SMAD9: variants seen among roughly 807,000 people sequenced by gnomAD.
SMAD9 encodes the protein SMAD family member 9.
A neutral mutation model predicts 46.1 loss-of-function variants in SMAD9; 36 were observed. That is an observed-to-expected ratio of 0.78 (90% CI 0.60 to 1.03). SMAD9 has a LOEUF of 1.03. Ranked by LOEUF, SMAD9 falls within the 50% of genes least tolerant of loss-of-function variation. The pLI, the probability that SMAD9 is intolerant of heterozygous loss-of-function variation, is 0.00. For missense variants in SMAD9, 572 were observed against 599.8 expected, an observed-to-expected ratio of 0.95 and a Z score of 0.48; for synonymous variants, 245 against 237.1, an observed-to-expected ratio of 1.03 and a Z score of -0.31.
At chr13:36,899,291 A>G (rs1270385290) in intron 1 of SMAD9, among the ~76,000 whole-genome samples, 1 of 152,206 alleles carries the variant, frequency 6.6e-6, no homozygotes, top group Non-Finnish European at 1.5e-5. Context: ...GAAGAAATAT[A>G]CCATGTTCAT....
At chr13:36,919,138 G>T (rs1257216346) in intron 1 of SMAD9, among the ~76,000 whole-genome samples, 1 of 152,160 alleles carries the variant, frequency 6.6e-6, no homozygotes, top group African/African-American at 2.4e-5. Context: ...TAGTTCTCAG[G>T]AGTACCCACT....
At chr13:36,864,283 G>C (rs1028494788) in intron 5 of SMAD9, among the ~76,000 whole-genome samples, 1 of 152,148 alleles carries the variant, frequency 6.6e-6, no homozygotes, top group African/African-American at 2.4e-5. Flanking sequence ...AGGAAACCTA[G>C]AGTAAAATCA....
At chr13:36,912,059 G>A (rs886098899) in intron 1 of SMAD9, among the ~76,000 whole-genome samples, 2 of 152,150 alleles carry the variant, frequency 1.3e-5, no homozygotes, top group Admixed American at 6.5e-5. Flanking sequence ...CAGTGGAGAT[G>A]GTGTGTCAAC....
chr13:36,870,916 A>G (rs867726535), intron 3 of SMAD9, among the ~76,000 whole-genome samples: 17 of 152,342 alleles, frequency 1.1e-4, no homozygotes, highest in African/African-American at 4.1e-4. Flanking sequence ...GGTGGATAGC[A>G]TCTACAACGT....
At chr13:36,900,029 A>G (rs1287966994) in intron 1 of SMAD9, among the ~76,000 whole-genome samples, 1 of 152,146 alleles carries the variant, frequency 6.6e-6, no homozygotes, top group Non-Finnish European at 1.5e-5. Context: ...CTGGTGGCAT[A>G]TTAGAATGAT....
chr13:36,903,088 C>A (rs1341791683), intron 1 of SMAD9, among the ~76,000 whole-genome samples: 2 of 149,542 alleles, frequency 1.3e-5, no homozygotes, highest in African/African-American at 4.9e-5. Context: ...AGACCTTGGG[C>A]TCTAGTGCCG....
At chr13:36,886,586 T>C (rs2058446865) in intron 1 of SMAD9, among the ~76,000 whole-genome samples, 1 of 152,266 alleles carries the variant, frequency 6.6e-6, no homozygotes, top group Non-Finnish European at 1.5e-5. Context: ...TGAATGCCTA[T>C]CATGTGTCAG....
intron 3 of SMAD9, among the ~76,000 whole-genome samples, chr13:36,867,817 T>C (rs997283452): frequency 1.3e-5 from 2 of 152,300 alleles, no homozygotes; most frequent in Non-Finnish European, 1.5e-5. Flanking sequence ...GCTCTATCCC[T>C]GAGATACTTC....
At chr13:36,911,067 G>A (rs1353965232) in intron 1 of SMAD9, among the ~76,000 whole-genome samples, 1 of 152,022 alleles carries the variant, frequency 6.6e-6, no homozygotes, top group Admixed American at 6.5e-5. Context: ...GTGCAGTGGC[G>A]TGATCATGGC....
At chr13:36,912,470 G>A (rs983703098) in intron 1 of SMAD9, among the ~76,000 whole-genome samples, 3 of 152,158 alleles carry the variant, frequency 2.0e-5, no homozygotes, top group Admixed American at 6.5e-5. Flanking sequence ...TATCAGGCAA[G>A]TAATAGGTGC....
rs1251195696 is a variant in SMAD9, at chr13:36,846,230, C to T, written c.*2446G>A. The T allele has an allele frequency of 6.6e-6, 1 of 151,814 alleles. No homozygotes were observed. The highest frequency in any genetic ancestry group is 2.4e-5 in the African/African-American group (1 of 41,332). The allele number at this position is 151,814 out of a possible 1,614,324, so 9.4% of individuals were successfully genotyped here. A position where few individuals can be genotyped will look rare whatever the true frequency, so the allele number is the denominator to read the frequency against. On this transcript the variant is annotated 3_prime_UTR_variant, in exon 7 of 7. Coordinates refer to ENST00000379826, the MANE Select transcript of SMAD9 (RefSeq NM_001127217.3). ...GGGCGCAGTGGCTCACGCCTGTAAT[C>T]CCAGCACTTTGGGAGGCTGAGGCGG...
At chr13:36,865,926 T>G in intron 4 of SMAD9, among the ~76,000 whole-genome samples, 168 bp from the exon 5 acceptor site, 1 of 152,178 alleles carries the variant, frequency 6.6e-6, no homozygotes, top group Non-Finnish European at 1.5e-5. Context: ...GGGAGCTGTT[T>G]GGGGCCGGCT....
intron 1 of SMAD9, among the ~76,000 whole-genome samples, chr13:36,886,986 G>A (rs1470330047): frequency 1.3e-5 from 2 of 151,376 alleles, no homozygotes; most frequent in Non-Finnish European, 2.9e-5. Context: ...GAGCTGGAAA[G>A]CAGCATATGG....
chr13:36,895,266 G>A (rs1400097913), intron 1 of SMAD9, among the ~76,000 whole-genome samples: 2 of 152,130 alleles, frequency 1.3e-5, no homozygotes, highest in East Asian at 1.9e-4. Flanking sequence ...TCTTAGACAT[G>A]ACTAAGAGGA....
chr13:36,902,216 G>C (rs1288256629), intron 1 of SMAD9, among the ~76,000 whole-genome samples: 1 of 152,016 alleles, frequency 6.6e-6, no homozygotes, highest in Non-Finnish European at 1.5e-5. Context: ...AGTTGCCCCA[G>C]CACCATTTGT....
At chr13:36,865,869 A>G (rs1158693839) in intron 4 of SMAD9, 111 bp from the exon 5 acceptor site, 6 of 878,368 alleles carry the variant, frequency 6.8e-6, no homozygotes, top group African/African-American at 3.3e-5. Flanking sequence ...GTCGGCTGCA[A>G]GACCAAGCAT....
chr13:36,891,859 TC>T (rs2058491364), intron 1 of SMAD9, among the ~76,000 whole-genome samples: 1 of 152,120 alleles, frequency 6.6e-6, no homozygotes, highest in African/African-American at 2.4e-5. Flanking sequence ...AATGCTACAG[TC>T]CCACCACACA....
rs616323 is a variant in SMAD9 at position 36,913,206 on chromosome 13, T to C, written c.-187+6910A>G. Among the ~76,000 whole-genome samples, 437 of 152,298 alleles carry C rather than the reference T, an allele frequency of 2.9e-3. 2 individuals are homozygous for C. Among genetic ancestry groups the C allele is most frequent in the African/African-American group, 0.01 (418 of 41,568 alleles). On this transcript the variant is annotated intron_variant, in intron 1 of 6. Coordinates refer to ENST00000379826, the MANE Select transcript of SMAD9 (RefSeq NM_001127217.3). ...AATAGAGAAATAAACCCAAATAGAT[T>C]ACAGTTTGGGGAAGTAAGACATCTT... is the stretch of plus-strand genomic sequence containing the variant.
chr13:36,911,951 G>A (rs1193569101), intron 1 of SMAD9, among the ~76,000 whole-genome samples: 1 of 152,068 alleles, frequency 6.6e-6, no homozygotes, highest in Non-Finnish European at 1.5e-5. Context: ...CAGGTTATCC[G>A]CCCACCTCAG....
Sources: allele counts gnomAD v4.1 joint callset (sites outside exome capture counted in the v4.1 genomes callset), GRCh38; gene constraint gnomAD v4.1.1; transcripts MANE v1.5; gene names NCBI Gene and HGNC (gene_info 2026-07-23, HGNC 2026-07-21).